Variants in LRRC37A2 observed in about 807,000 individuals in gnomAD.
The protein encoded by LRRC37A2 is leucine rich repeat containing 37 member A2.
A neutral mutation model predicts 68.8 loss-of-function variants in LRRC37A2; 9 were observed. The observed-to-expected ratio is 0.13, with a 90% confidence interval of 0.08 to 0.23. The LOEUF is 0.23. LRRC37A2 is among the 10% of genes least tolerant of loss of function. The pLI, the probability that LRRC37A2 is intolerant of heterozygous loss-of-function variation, is 1.00. For missense variants in LRRC37A2, 168 were observed against 950.4 expected, an observed-to-expected ratio of 0.18 and a Z score of 10.82; for synonymous variants, 63 against 367.6, an observed-to-expected ratio of 0.17 and a Z score of 9.48.
chr17:46,626,099 AT>A, the LRRC37A2 span, among the ~76,000 whole-genome samples: 1 of 139,360 alleles, frequency 7.2e-6, no homozygotes, highest in Admixed American at 7.4e-5. Context: ...TATTTTAGGA[AT>A]TTTTTAAATC....
At chr17:46,705,652 CATATG>C in the LRRC37A2 span, among the ~76,000 whole-genome samples, 1 of 151,628 alleles carries the variant, frequency 6.6e-6, no homozygotes, top group African/African-American at 2.4e-5. Flanking sequence ...TGTAAAATAA[CATATG>C]GTATATGTAG....
the LRRC37A2 span, among the ~76,000 whole-genome samples, chr17:47,002,648 C>G: frequency 2.6e-5 from 4 of 152,184 alleles, no homozygotes; most frequent in African/African-American, 7.2e-5. Flanking sequence ...CCTCGGCCTC[C>G]CAAAGTGCTG....
At chr17:46,790,471 A>G in the LRRC37A2 span, among the ~76,000 whole-genome samples, 2 of 152,004 alleles carry the variant, frequency 1.3e-5, no homozygotes, top group Non-Finnish European at 2.9e-5. Context: ...CTCAAGGTTG[A>G]GAAGCACTGC....
At chr17:47,004,193 G>A in the LRRC37A2 span, among the ~76,000 whole-genome samples, 58 of 152,258 alleles carry the variant, frequency 3.8e-4, no homozygotes, top group African/African-American at 1.3e-3. Context: ...ATGTGCATGC[G>A]CCTTTATAGC....
At chr17:46,791,053 G>C in the LRRC37A2 span, among the ~76,000 whole-genome samples, 1 of 152,056 alleles carries the variant, frequency 6.6e-6, no homozygotes, top group Non-Finnish European at 1.5e-5. Flanking sequence ...GGGTGTATCT[G>C]TTTGTGAGTA....
the LRRC37A2 span, among the ~76,000 whole-genome samples, chr17:46,894,505 C>T: frequency 3.9e-5 from 6 of 152,358 alleles, no homozygotes; most frequent in African/African-American, 7.2e-5. Context: ...AGGCTTGCCC[C>T]GACCCTACAG....
chr17:46,885,054 T>C, the LRRC37A2 span: 1 of 441,786 alleles, frequency 2.3e-6, no homozygotes, highest in Non-Finnish European at 4.5e-6. Context: ...AGTGGCAAGA[T>C]CTCAGCTCAT....
chr17:46,918,628 CACACACACACAT>C, the LRRC37A2 span, among the ~76,000 whole-genome samples: 87 of 122,490 alleles, frequency 7.1e-4, 2 homozygotes, highest in South Asian at 0.02. Flanking sequence ...CACACACACA[CACACACACACAT>C]ACAATTTCCC....
the LRRC37A2 span, among the ~76,000 whole-genome samples, chr17:46,960,783 T>C: frequency 6.6e-6 from 1 of 152,206 alleles, no homozygotes; most frequent in Non-Finnish European, 1.5e-5. Context: ...ATTCCATTTA[T>C]TTGAAATTCA....
chr17:46,767,180 C>T, the LRRC37A2 span, among the ~76,000 whole-genome samples: 1 of 152,158 alleles, frequency 6.6e-6, no homozygotes, highest in African/African-American at 2.4e-5. Flanking sequence ...CTGTGGAACC[C>T]AGGGCCAGTG....
At chr17:46,845,085 G>A in the LRRC37A2 span, among the ~76,000 whole-genome samples, 1 of 152,192 alleles carries the variant, frequency 6.6e-6, no homozygotes, top group Non-Finnish European at 1.5e-5. Flanking sequence ...CTGACCTCAG[G>A]TGATCCACTC....
the LRRC37A2 span, chr17:46,818,881 G>T: frequency 1.9e-6 from 1 of 519,932 alleles, no homozygotes; most frequent in Non-Finnish European, 3.4e-6. Flanking sequence ...CTCGGGCTCC[G>T]GGAAGGGCAT....
chr17:46,847,231 C>T, the LRRC37A2 span, among the ~76,000 whole-genome samples: 1 of 152,216 alleles, frequency 6.6e-6, no homozygotes, highest in Non-Finnish European at 1.5e-5. Flanking sequence ...GGAGGGGATT[C>T]TGAAGCCCAC....
chr17:46,746,138 G>A, the LRRC37A2 span, among the ~76,000 whole-genome samples: 1 of 152,182 alleles, frequency 6.6e-6, no homozygotes, highest in Non-Finnish European at 1.5e-5. Context: ...TGGAAGGTCT[G>A]TTGCATATTC....
chr17:46,923,142 A>G, the LRRC37A2 span: 6 of 1,232,964 alleles, frequency 4.9e-6, no homozygotes, highest in Non-Finnish European at 7.0e-6. Context: ...GGCTGTGAGG[A>G]CGTGTTCCGA....
chr17:46,528,792 A>AT, intron 6 of LRRC37A2: 1 of 673,124 alleles, frequency 1.5e-6, no homozygotes, highest in South Asian at 1.5e-5. Flanking sequence ...CTGAAAAAGC[A>AT]TTTACGTGAT....
chr17:46,839,285 C>T, the LRRC37A2 span, among the ~76,000 whole-genome samples: 16 of 152,358 alleles, frequency 1.1e-4, no homozygotes, highest in Admixed American at 8.5e-4. Flanking sequence ...TGTGGCCATG[C>T]GACCCAGCAT....
At chr17:46,727,020 A>G in the LRRC37A2 span, among the ~76,000 whole-genome samples, 2 of 152,194 alleles carry the variant, frequency 1.3e-5, no homozygotes, top group Non-Finnish European at 2.9e-5. Context: ...CAAATTCACT[A>G]AAACACTAAG....
the LRRC37A2 span, chr17:47,024,733 T>C: frequency 1.2e-6 from 1 of 854,954 alleles, no homozygotes; most frequent in South Asian, 1.3e-5. Context: ...TTTGAAGGCC[T>C]GCTATCCCTC....
Sources: gnomAD v4.1 joint callset for allele counts (sites outside exome capture counted in the v4.1 genomes callset) on GRCh38, gnomAD v4.1.1 for gene constraint, MANE v1.5 for transcripts, NCBI Gene and HGNC (gene_info 2026-07-23, HGNC 2026-07-21) for gene names.